Variants in QTMAN observed in about 807,000 individuals in gnomAD.
QTMAN encodes queuosine-tRNA mannosyltransferase.
At chr2:144,045,891 A>G in the QTMAN span, among the ~76,000 whole-genome samples, 9 of 152,218 alleles carry the variant, frequency 5.9e-5, no homozygotes, top group Non-Finnish European at 1.5e-5. Context: ...TCCAGCAAAA[A>G]TTGAAGAGAG....
At chr2:144,284,172 AAAG>A in the QTMAN span, among the ~76,000 whole-genome samples, 1 of 152,076 alleles carries the variant, frequency 6.6e-6, no homozygotes, top group Non-Finnish European at 1.5e-5. Context: ...TACTTTGTGG[AAAG>A]AAATATAACA....
At chr2:143,970,839 T>C in the QTMAN span, 3 of 798,410 alleles carry the variant, frequency 3.8e-6, no homozygotes, top group African/African-American at 1.7e-5. Flanking sequence ...CTTCCTACAG[T>C]ATCAATTTTT....
At chr2:144,233,599 C>T in the QTMAN span, among the ~76,000 whole-genome samples, 1 of 152,104 alleles carries the variant, frequency 6.6e-6, no homozygotes, top group African/African-American at 2.4e-5. Context: ...TATAACAGTG[C>T]CAGGCTGTTT....
chr2:144,289,611 A>C, the QTMAN span, among the ~76,000 whole-genome samples: 1 of 152,314 alleles, frequency 6.6e-6, no homozygotes, highest in South Asian at 2.1e-4. Context: ...GTTTAACCCA[A>C]AAGTCAGCAG....
At chr2:144,332,618 C>T in the QTMAN span, 1 of 150,858 alleles carries the variant, frequency 6.6e-6, no homozygotes, top group Non-Finnish European at 1.5e-5. Flanking sequence ...CCCGCCCGCG[C>T]AATCGAGGCT....
At chr2:144,052,014 T>C in the QTMAN span, among the ~76,000 whole-genome samples, 1 of 152,302 alleles carries the variant, frequency 6.6e-6, no homozygotes, top group Admixed American at 6.5e-5. Context: ...GGGTACACAT[T>C]TCCTTGTTTA....
the QTMAN span, among the ~76,000 whole-genome samples, chr2:144,282,324 C>T: frequency 6.6e-6 from 1 of 150,456 alleles, no homozygotes; most frequent in Admixed American, 6.6e-5. Context: ...TTATTTTAAC[C>T]TAAATAAGTT....
chr2:144,144,570 T>C, the QTMAN span, among the ~76,000 whole-genome samples: 1 of 151,984 alleles, frequency 6.6e-6, no homozygotes, highest in Non-Finnish European at 1.5e-5. Flanking sequence ...TTTAATTTTA[T>C]TATGAAATTT....
At chr2:143,947,388 C>A in the QTMAN span, among the ~76,000 whole-genome samples, 1 of 152,084 alleles carries the variant, frequency 6.6e-6, no homozygotes, top group Admixed American at 6.6e-5. Flanking sequence ...TTCTGCTGCA[C>A]ACATATTTCT....
chr2:144,191,382 G>A, the QTMAN span, among the ~76,000 whole-genome samples: 3 of 152,120 alleles, frequency 2.0e-5, no homozygotes, highest in East Asian at 1.9e-4. Context: ...TACTATATGC[G>A]GGCAGGGTTG....
the QTMAN span, among the ~76,000 whole-genome samples, chr2:144,066,174 T>C: frequency 6.6e-6 from 1 of 152,174 alleles, no homozygotes; most frequent in African/African-American, 2.4e-5. Flanking sequence ...TTTCTTTTTT[T>C]ATTATAAGCA....
At chr2:143,998,241 A>C in the QTMAN span, among the ~76,000 whole-genome samples, 2 of 152,112 alleles carry the variant, frequency 1.3e-5, no homozygotes. Context: ...AATGCTTTTG[A>C]CTAAGATCAC....
the QTMAN span, among the ~76,000 whole-genome samples, chr2:143,972,281 G>A: frequency 6.6e-6 from 1 of 152,006 alleles, no homozygotes; most frequent in Non-Finnish European, 1.5e-5. Flanking sequence ...TGATTCTCTA[G>A]GAAATACTTA....
the QTMAN span, chr2:143,943,761 C>T: frequency 1.3e-5 from 2 of 152,106 alleles, no homozygotes; most frequent in Admixed American, 6.5e-5. Context: ...AGGAGCAGGG[C>T]ATTTAAACTT....
the QTMAN span, among the ~76,000 whole-genome samples, chr2:144,147,277 C>A: frequency 6.6e-6 from 1 of 150,878 alleles, no homozygotes; most frequent in East Asian, 1.9e-4. Flanking sequence ...AAAAAAAAAT[C>A]TTACCAAGGA....
At chr2:143,946,994 T>C in the QTMAN span, 1 of 1,234,688 alleles carries the variant, frequency 8.1e-7, no homozygotes, top group Non-Finnish European at 1.2e-6. Context: ...ATGGGCACAC[T>C]CTGGAAAGTT....
the QTMAN span, among the ~76,000 whole-genome samples, chr2:144,045,942 T>C: frequency 1.1e-4 from 16 of 152,210 alleles, 1 homozygote; most frequent in African/African-American, 3.9e-4. Flanking sequence ...CTACAATATA[T>C]AGTTGCTGTT....
the QTMAN span, among the ~76,000 whole-genome samples, chr2:144,232,763 T>G: frequency 6.6e-6 from 1 of 152,216 alleles, no homozygotes; most frequent in East Asian, 1.9e-4. Context: ...ACAGAAAACA[T>G]ATTTACATTG....
the QTMAN span, among the ~76,000 whole-genome samples, chr2:144,001,823 A>C: frequency 6.7e-6 from 1 of 149,316 alleles, no homozygotes; most frequent in Non-Finnish European, 1.5e-5. Flanking sequence ...TTTAAGCCAA[A>C]AAAAAAAAAT....
Sources: gnomAD v4.1 joint callset for allele counts (sites outside exome capture counted in the v4.1 genomes callset) on GRCh38, gnomAD v4.1.1 for gene constraint, MANE v1.5 for transcripts, NCBI Gene and HGNC (gene_info 2026-07-23, HGNC 2026-07-21) for gene names.